Variants in SYBU observed in about 807,000 individuals in gnomAD.
The protein encoded by SYBU is GOLSYN A protein.
In SYBU, 21 loss-of-function variants were observed where a neutral mutation model predicts 35.9. The ratio of observed to expected loss-of-function variants is 0.58; its 90% CI spans 0.41 to 0.84. The LOEUF is 0.84. SYBU is among the 40% of genes least tolerant of loss of function. SYBU has a pLI of 0.00. For missense variants in SYBU, 768 were observed against 848.2 expected, an observed-to-expected ratio of 0.91 and a Z score of 1.17; for synonymous variants, 319 against 324.3, an observed-to-expected ratio of 0.98 and a Z score of 0.18.
intron 3 of SYBU, among the ~76,000 whole-genome samples, chr8:109,614,231 T>G (rs1468827581): frequency 6.6e-6 from 1 of 152,240 alleles, no homozygotes; most frequent in East Asian, 1.9e-4. Context: ...AACAATGACA[T>G]TAGATCTTTT....
intron 2 of SYBU, among the ~76,000 whole-genome samples, chr8:109,628,257 C>A (rs1025948862): frequency 6.6e-6 from 1 of 151,940 alleles, no homozygotes; most frequent in African/African-American, 2.4e-5. Context: ...CATGTAATCC[C>A]AGCACTTTTG....
intron 3 of SYBU, among the ~76,000 whole-genome samples, chr8:109,591,376 T>A (rs1356743809): frequency 6.6e-6 from 1 of 152,200 alleles, no homozygotes; most frequent in Non-Finnish European, 1.5e-5. Context: ...AAGAGACTCT[T>A]ATTTTCATTT....
chr8:109,630,346 C>A (rs1465886457), intron 2 of SYBU, among the ~76,000 whole-genome samples: 1 of 149,910 alleles, frequency 6.7e-6, no homozygotes, highest in East Asian at 2.0e-4. Flanking sequence ...GTGGGTGCAG[C>A]GCACCAGCAT....
intron 2 of SYBU, among the ~76,000 whole-genome samples, chr8:109,621,789 T>C (rs1369390027): frequency 1.3e-5 from 2 of 152,216 alleles, no homozygotes; most frequent in Admixed American, 1.3e-4. Context: ...GGCATTTGCC[T>C]GTTTTGTCTA....
At chr8:109,611,350 G>T (rs1278464900) in intron 3 of SYBU, among the ~76,000 whole-genome samples, 1 of 152,138 alleles carries the variant, frequency 6.6e-6, no homozygotes, top group Non-Finnish European at 1.5e-5. Flanking sequence ...ACCATTAAAG[G>T]GCCATTTGGC....
intron 2 of SYBU, among the ~76,000 whole-genome samples, chr8:109,634,939 GT>G (rs1309660716): frequency 2.6e-5 from 4 of 152,048 alleles, no homozygotes; most frequent in African/African-American, 9.7e-5. Context: ...CAGTCTCTCT[GT>G]TTTATTCTTT....
intron 5 of SYBU, among the ~76,000 whole-genome samples, 160 bp from the exon 6 acceptor site, chr8:109,578,177 G>A (rs1822578824): frequency 6.6e-6 from 1 of 152,160 alleles, no homozygotes; most frequent in South Asian, 2.1e-4. Context: ...TGACGACTTT[G>A]GGAATTAGCC....
chr8:109,649,657 T>C (rs1166160993), upstream of SYBU, among the ~76,000 whole-genome samples: 3 of 152,186 alleles, frequency 2.0e-5, no homozygotes, highest in Non-Finnish European at 4.4e-5. Flanking sequence ...AGACATGAGA[T>C]AGCCTCCCCC....
chr8:109,665,396 G>T (rs758757724), intron 1 of SYBU, among the ~76,000 whole-genome samples: 3 of 152,158 alleles, frequency 2.0e-5, no homozygotes, highest in Non-Finnish European at 4.4e-5. Context: ...GCATAAATCA[G>T]CTGGCTAAAG....
chr8:109,689,533 T>G (rs934413760), intron 1 of SYBU, among the ~76,000 whole-genome samples: 2 of 152,110 alleles, frequency 1.3e-5, no homozygotes, highest in Non-Finnish European at 1.5e-5. Context: ...GGTCCCACCA[T>G]GTTGTCCAGG....
At chr8:109,594,399 C>T (rs77444761) in intron 3 of SYBU, among the ~76,000 whole-genome samples, 4,217 of 152,254 alleles carry the variant, frequency 0.028, 183 homozygotes, top group African/African-American at 0.097. Flanking sequence ...GTGCTGTCTG[C>T]TTGCAATTCT....
chr8:109,599,275 A>G (rs907191931), intron 3 of SYBU, among the ~76,000 whole-genome samples: 18 of 152,240 alleles, frequency 1.2e-4, no homozygotes, highest in Non-Finnish European at 2.6e-4. Flanking sequence ...ATAGGATTGA[A>G]TCTTCATTCT....
intron 1 of SYBU, among the ~76,000 whole-genome samples, chr8:109,664,905 T>C (rs1366078574): frequency 1.3e-5 from 2 of 152,130 alleles, no homozygotes; most frequent in East Asian, 1.9e-4. Context: ...AATGGGGAAA[T>C]GGGGCTTTAA....
chr8:109,668,527 AC>A (rs1332162331), intron 1 of SYBU, among the ~76,000 whole-genome samples: 3 of 152,118 alleles, frequency 2.0e-5, no homozygotes, highest in African/African-American at 2.4e-5. Flanking sequence ...TGATTCTTCC[AC>A]CTTTGTCTGT....
intron 1 of SYBU, among the ~76,000 whole-genome samples, chr8:109,674,783 C>T (rs1182878589): frequency 2.0e-5 from 3 of 152,124 alleles, no homozygotes; most frequent in Non-Finnish European, 4.4e-5. Context: ...CAGCTCTGGA[C>T]CAAGCAGACA....
intron 1 of SYBU, among the ~76,000 whole-genome samples, chr8:109,689,769 T>C (rs1342468645): frequency 6.6e-6 from 1 of 150,750 alleles, no homozygotes; most frequent in Non-Finnish European, 1.5e-5. Context: ...CCAAACCTTG[T>C]CAACTACTAG....
chr8:109,652,500 T>A (rs1816189135), intron 1 of SYBU, among the ~76,000 whole-genome samples: 1 of 152,184 alleles, frequency 6.6e-6, no homozygotes, highest in Non-Finnish European at 1.5e-5. Context: ...TGCCTGGATG[T>A]AACCTTCTAG....
chr8:109,647,009 C>G (rs549248728), upstream of SYBU: 2 of 152,126 alleles, frequency 1.3e-5, no homozygotes, highest in South Asian at 4.1e-4. Context: ...CCTTTCTCTC[C>G]GATCAGTGTC....
At chr8:109,633,257 G>A (rs1215990805) in intron 2 of SYBU, among the ~76,000 whole-genome samples, 2 of 152,108 alleles carry the variant, frequency 1.3e-5, no homozygotes, top group Non-Finnish European at 2.9e-5. Context: ...TGAGAGTCAC[G>A]TCAGTCTCTA....
Sources: gnomAD v4.1 joint callset for allele counts (sites outside exome capture counted in the v4.1 genomes callset) on GRCh38, gnomAD v4.1.1 for gene constraint, MANE v1.5 for transcripts, NCBI Gene and HGNC (gene_info 2026-07-23, HGNC 2026-07-21) for gene names.